The following GOLGA6L10 variants were observed in gnomAD, a reference collection of about 807,000 sequenced individuals.
GOLGA6L10 encodes golgin subfamily A member 6-like protein 10.
Under a neutral mutation model 56.9 loss-of-function variants are expected in GOLGA6L10, and 4 were observed. The observed-to-expected ratio is 0.07, with a 90% CI of 0.03 to 0.16. The LOEUF (loss-of-function observed/expected upper bound fraction) is 0.16, where lower values mean the gene tolerates loss of function less well. Ranked by LOEUF, GOLGA6L10 falls within the 10% of genes least tolerant of loss-of-function variation. The pLI, the probability that GOLGA6L10 is intolerant of heterozygous loss-of-function variation, is 1.00. For synonymous variants in GOLGA6L10, 11 were observed against 220.9 expected, an observed-to-expected ratio of 0.05 and a Z score of 8.43; for missense variants, 34 against 558.3, an observed-to-expected ratio of 0.06 and a Z score of 9.46.
intron 1 of GOLGA6L10, among the ~76,000 whole-genome samples, chr15:82,348,362 C>A (rs2075700623): frequency 7.0e-6 from 1 of 143,340 alleles, no homozygotes; most frequent in Non-Finnish European, 1.5e-5. Context: ...GACTGAAGGG[C>A]AGTCTGGTCC....
intron 5 of GOLGA6L10, 58 bp from the exon 6 acceptor site, chr15:82,345,484 C>T (rs2075680046): frequency 1.3e-6 from 2 of 1,496,084 alleles, no homozygotes; most frequent in African/African-American, 2.9e-5. Flanking sequence ...AAAAAAAATC[C>T]TCCCTTTGGT....
chr15:82,340,085 A>G lies in GOLGA6L10; in HGVS notation c.*2691T>C, dbSNP rs1469235408. ...AGTCAATAATGCCACTTTAGACAAAAATCAGTATTTCCATCATGCATTCTG... is the reference window on the plus strand; with the variant it reads ...AGTCAATAATGCCACTTTAGACAAAGATCAGTATTTCCATCATGCATTCTG... On this transcript the variant is annotated 3_prime_UTR_variant, in exon 9 of 9. Transcript: ENST00000610657. The G allele has an allele frequency of 4.6e-5, 7 of 151,606 alleles. No individual in the cohort carries two copies. The East Asian group carries it at 1.3e-3, about 29-fold the overall frequency. The allele number at this position is 151,606 out of a possible 1,614,324, so 9.4% of individuals were successfully genotyped here.
chr15:82,342,655 A>G lies in GOLGA6L10; in HGVS notation c.*121T>C, dbSNP rs2075647093. ...TTAGAAACACAAATAAATTTAAACT[A>G]TAAATTAGAAACACAAATAAACATA... On this transcript the variant is annotated 3_prime_UTR_variant, in exon 9 of 9. Transcript: ENST00000610657. 1 of 1,496,154 alleles carries G rather than the reference A, an allele frequency of 6.7e-7. No homozygotes were observed. The highest frequency in any genetic ancestry group is 8.9e-7 in the Non-Finnish European group (1 of 1,124,248). 92.7% of individuals were successfully genotyped at this position (1,496,154 alleles called of 1,614,324 possible).
chr15:82,342,266 T>C lies in GOLGA6L10; in HGVS notation c.*510A>G, dbSNP rs2075644599. On this transcript the variant is annotated 3_prime_UTR_variant, in exon 9 of 9. Transcript: ENST00000610657. ...CATATTGAGCTAATGAAGAGCTCAC[T>C]GTGATTAGGATTCGATCAAACATAA... The C allele has an allele frequency of 9.8e-6, 2 of 203,850 alleles. No individual in the cohort carries two copies. Among genetic ancestry groups the C allele is most frequent in the African/African-American group, 4.8e-5 (2 of 41,608 alleles). 12.6% of individuals were successfully genotyped at this position (203,850 alleles called of 1,614,324 possible). A position where few individuals can be genotyped will look rare whatever the true frequency, so the allele number is the denominator to read the frequency against.
rs2075635077 is a variant in GOLGA6L10 at position 82,340,215 on chromosome 15, T to C, written c.*2561A>G. The stretch of plus-strand genomic sequence containing the variant: ...TTTCTCTACTTTTCCTTCCCCTAGA[T>C]TCTTTGTTTTAAGCTACAGTATTCG... On this transcript the variant is annotated 3_prime_UTR_variant, in exon 9 of 9. Coordinates refer to ENST00000610657, the MANE Select transcript of GOLGA6L10 (RefSeq NM_001164465.3). 1 of 151,654 alleles carries C rather than the reference T, an allele frequency of 6.6e-6. No individual in the cohort carries two copies. Among genetic ancestry groups the C allele is most frequent in the Non-Finnish European group, 1.5e-5 (1 of 67,792 alleles). 9.4% of individuals were successfully genotyped at this position (151,654 alleles called of 1,614,324 possible).
rs1368116878 is a variant in GOLGA6L10, at chr15:82,340,259, A to C, written c.*2517T>G. The C allele has an allele frequency of 4.6e-5, 7 of 151,462 alleles. No individual in the cohort carries two copies. The highest frequency in any genetic ancestry group is 1.0e-4 in the Non-Finnish European group (7 of 67,824). 9.4% of individuals were successfully genotyped at this position (151,462 alleles called of 1,614,324 possible). A position where few individuals can be genotyped will look rare whatever the true frequency, so the allele number is the denominator to read the frequency against. On this transcript the variant is annotated 3_prime_UTR_variant, in exon 9 of 9. Coordinates refer to ENST00000610657, the MANE Select transcript of GOLGA6L10 (RefSeq NM_001164465.3). Reference sequence around the variant, plus strand: ...GTATTCGTATTTTAAAATGTTTTAAATTATTTTAAGACATTAATTTAACAG... The same window carrying C: ...GTATTCGTATTTTAAAATGTTTTAACTTATTTTAAGACATTAATTTAACAG...
intron 7 of GOLGA6L10, among the ~76,000 whole-genome samples, chr15:82,344,009 G>T (rs1377294058): frequency 4.7e-5 from 7 of 150,384 alleles, no homozygotes; most frequent in Non-Finnish European, 4.4e-5. Context: ...CTTCCTCTGT[G>T]ATTGGGGGGC....
intron 7 of GOLGA6L10, among the ~76,000 whole-genome samples, chr15:82,343,929 C>T (rs1379954294): frequency 1.4e-5 from 2 of 146,956 alleles, no homozygotes; most frequent in African/African-American, 2.7e-5. Flanking sequence ...CTGCCTCAGC[C>T]TCCCAAAGTG....
chr15:82,347,783 A>T (rs1399156806), intron 1 of GOLGA6L10, among the ~76,000 whole-genome samples, 154 bp from the exon 2 acceptor site: 1 of 151,646 alleles, frequency 6.6e-6, no homozygotes, highest in Non-Finnish European at 1.5e-5. Flanking sequence ...ACTGAGAGGG[A>T]TTCATATCAT....
Position 82,340,593 on chromosome 15 carries a change from A to T in GOLGA6L10, c.*2183T>A, listed in dbSNP as rs1438536736. The T allele has an allele frequency of 2.0e-5, 3 of 151,476 alleles. No homozygotes were observed. The highest frequency in any genetic ancestry group is 6.7e-5 in the Admixed American group (1 of 15,034). The allele number at this position is 151,476 out of a possible 1,614,324, so 9.4% of individuals were successfully genotyped here. ...TCTAACCTTCTAATATTGCCTTCTA[A>T]GCAAATTGAAAGCTGCCTTATACTG... On this transcript the variant is annotated 3_prime_UTR_variant, in exon 9 of 9. Coordinates refer to ENST00000610657, the MANE Select transcript of GOLGA6L10 (RefSeq NM_001164465.3).
In GOLGA6L10 at chr15:82,341,020, A is replaced by C. The variant is rs1201992978; in HGVS notation, c.*1756T>G. 1 of 151,878 alleles carries C rather than the reference A, an allele frequency of 6.6e-6. No individual in the cohort carries two copies. Among genetic ancestry groups the C allele is most frequent in the Non-Finnish European group, 1.5e-5 (1 of 67,936 alleles). 9.4% of individuals were successfully genotyped at this position (151,878 alleles called of 1,614,324 possible). ...CTCAGTTTCAGAATGATAAACAAAA[A>C]CTGTTAGACCAAATAACGTGGCTAA... On this transcript the variant is annotated 3_prime_UTR_variant, in exon 9 of 9. Coordinates refer to ENST00000610657, the MANE Select transcript of GOLGA6L10 (RefSeq NM_001164465.3).
At chr15:82,348,103 C>A (rs2075698767) in intron 1 of GOLGA6L10, among the ~76,000 whole-genome samples, 1 of 151,720 alleles carries the variant, frequency 6.6e-6, no homozygotes, top group Non-Finnish European at 1.5e-5. Context: ...AGAGGACAAC[C>A]CAAGCCTCAT....
At chr15:82,347,846 C>T (rs1467672881) in intron 1 of GOLGA6L10, among the ~76,000 whole-genome samples, 1 of 152,108 alleles carries the variant, frequency 6.6e-6, no homozygotes, top group Middle Eastern at 3.4e-3. Flanking sequence ...GGAACTTAAA[C>T]TCAGTCCTCT....
At position 82,340,042 on chromosome 15, in the gene GOLGA6L10, C is replaced by T. The variant is rs1452589831; in HGVS notation, c.*2734G>A. 6.6e-6 allele frequency: 1 copy of T among 151,438 alleles called. No individual in the cohort carries two copies. Among genetic ancestry groups the T allele is most frequent in the African/African-American group, 2.4e-5 (1 of 41,408 alleles). The allele number at this position is 151,438 out of a possible 1,614,324, so 9.4% of individuals were successfully genotyped here. On this transcript the variant is annotated 3_prime_UTR_variant, in exon 9 of 9. Coordinates refer to ENST00000610657, the MANE Select transcript of GOLGA6L10 (RefSeq NM_001164465.3). The stretch of plus-strand genomic sequence containing the variant: ...AACAATCTAATAATTTATTACATTA[C>T]AGTAGCATCACAGAAGCAGTCAATA...
At chr15:82,345,447 TA>T (rs2075679458) in intron 5 of GOLGA6L10, 21 bp from the exon 6 acceptor site, 1 of 1,592,780 alleles carries the variant, frequency 6.3e-7, no homozygotes, top group Non-Finnish European at 8.5e-7. Flanking sequence ...AAGCAGAGAA[TA>T]AGGGCCTCTG....
chr15:82,345,831 C>T lies in GOLGA6L10; in HGVS notation c.411G>A (p.Leu137=). 6.4e-7 allele frequency: 1 copy of T among 1,556,950 alleles called. No homozygotes were observed. The highest frequency in any genetic ancestry group is 2.3e-5 in the East Asian group (1 of 43,592). The change falls in exon 5 of 9, where the codon TTG becomes TTA. Residue 137 remains leucine (L), a synonymous_variant. Coordinates refer to ENST00000610657, the MANE Select transcript of GOLGA6L10 (RefSeq NM_001164465.3). ...IHLVQKLGRS[L]FKLKNQTAEP... is the part of the protein sequence containing the mutation. ...TACCCGTCTGGTTTTTGAGTTTGAA[C>T]AAGCTCCTCCCAAGCTTCTGTACCA...
intron 7 of GOLGA6L10, among the ~76,000 whole-genome samples, chr15:82,343,951 G>C (rs1439243384): frequency 6.8e-6 from 1 of 148,010 alleles, no homozygotes; most frequent in Non-Finnish European, 1.5e-5. Flanking sequence ...TGGGATTGCA[G>C]GCGTGAGCCA....
chr15:82,342,734 T>C lies in GOLGA6L10; in HGVS notation c.*42A>G. 6.3e-7 allele frequency: 1 copy of C among 1,597,090 alleles called. No individual in the cohort carries two copies. The highest frequency in any genetic ancestry group is 8.5e-7 in the Non-Finnish European group (1 of 1,179,446). ...TGAATTGTGTAGGATATTAACCCCT[T>C]AAATGTTTTGTTTTTTTTTTTTTCA... On this transcript the variant is annotated 3_prime_UTR_variant, in exon 9 of 9. Coordinates refer to ENST00000610657, the MANE Select transcript of GOLGA6L10 (RefSeq NM_001164465.3).
chr15:82,348,238 G>C (rs2075699697), intron 1 of GOLGA6L10, among the ~76,000 whole-genome samples: 1 of 151,760 alleles, frequency 6.6e-6, no homozygotes. Context: ...CATTTATCCT[G>C]TGGCACTCAA....
Sources: allele counts gnomAD v4.1 joint callset (sites outside exome capture counted in the v4.1 genomes callset), GRCh38; gene constraint gnomAD v4.1.1; transcripts MANE v1.5; gene names NCBI Gene and HGNC (gene_info 2026-07-23, HGNC 2026-07-21).